UBE3B: variants seen among roughly 807,000 people sequenced by gnomAD.
UBE3B encodes ubiquitin-protein ligase E3B.
UBE3B carries 80 observed loss-of-function variants against 132.3 expected under a neutral mutation model. The ratio of observed to expected loss-of-function variants is 0.60; its 90% confidence interval spans 0.50 to 0.73. The LOEUF is 0.73. Among genes scored for constraint, UBE3B ranks in the 30% least tolerant of loss-of-function variants. The pLI, the probability that UBE3B is intolerant of heterozygous loss-of-function variation, is 0.00. For missense variants in UBE3B, 1,196 were observed against 1,362.5 expected, an observed-to-expected ratio of 0.88 and a Z score of 1.92; for synonymous variants, 487 against 520.4, an observed-to-expected ratio of 0.94 and a Z score of 0.87.
At chr12:109,528,278 C>A (rs1246604489) in intron 24 of UBE3B, 7 of 938,508 alleles carry the variant, frequency 7.5e-6, no homozygotes, top group Non-Finnish European at 8.9e-6. Flanking sequence ...ATCTCCCTCT[C>A]TCCTTCCCTC....
chr12:109,524,093 A>AT lies in UBE3B; in HGVS notation c.2481dup (p.Lys828Ter). 6.2e-7 allele frequency: 1 copy of AT among 1,614,170 alleles called. No homozygotes were observed. The highest frequency in any genetic ancestry group is 8.5e-7 in the Non-Finnish European group (1 of 1,180,028). ...CTGCCTTCTCTGGACTCCGAGTTCT[A>AT]TAAAAACCTCACCTCCATCAAGGTG... On this transcript the variant is annotated frameshift_variant, in exon 22 of 28. Transcript: ENST00000342494. LOFTEE classifies it high-confidence loss of function.
In UBE3B at chr12:109,534,505, C is replaced by T. The variant is rs1277209258; in HGVS notation, c.3016-86C>T. ...CCAGCATCCAGGGACTGGCCAGATC[C>T]CCTCCCTGGGCTCCCTGGCCTTGGC... is the stretch of plus-strand genomic sequence containing the variant. On this transcript the variant is annotated intron_variant, in intron 27 of 27. Coordinates refer to ENST00000342494, the MANE Select transcript of UBE3B (RefSeq NM_130466.4). This position sits in a 1 kb window ranked among gnomAD's most constrained non-coding sequence, Gnocchi z 5.2. 6.6e-7 allele frequency: 1 copy of T among 1,520,188 alleles called. No homozygotes were observed. Among genetic ancestry groups the T allele is most frequent in the Non-Finnish European group, 8.8e-7 (1 of 1,135,516 alleles). The allele number at this position is 1,520,188 out of a possible 1,614,324, so 94.2% of individuals were successfully genotyped here. A position where few individuals can be genotyped will look rare whatever the true frequency, so the allele number is the denominator to read the frequency against.
At chr12:109,487,549 G>A (rs949920386) in intron 6 of UBE3B, among the ~76,000 whole-genome samples, 2 of 152,146 alleles carry the variant, frequency 1.3e-5, no homozygotes, top group East Asian at 1.9e-4. Flanking sequence ...TATGTTCCTC[G>A]GAGCCCTGGG....
At chr12:109,489,121 A>G (rs1458035462) in intron 7 of UBE3B, among the ~76,000 whole-genome samples, 3 of 152,254 alleles carry the variant, frequency 2.0e-5, no homozygotes, top group African/African-American at 7.2e-5. Context: ...AGTAGCCCAT[A>G]CATGCCAGAT....
At chr12:109,513,850 T>C (rs1880657742) in intron 18 of UBE3B, among the ~76,000 whole-genome samples, 1 of 152,126 alleles carries the variant, frequency 6.6e-6, no homozygotes, top group African/African-American at 2.4e-5. Context: ...GCTTGGTGTT[T>C]TCAGAGCAGA....
intron 9 of UBE3B, 151 bp downstream of exon 9, chr12:109,491,278 T>C (rs1411431468): frequency 1.7e-6 from 1 of 573,932 alleles, no homozygotes; most frequent in Non-Finnish European, 2.9e-6. Context: ...GTGAGCACAT[T>C]TGTGACTGCT....
At chr12:109,516,014 T>C (rs1179674844) in intron 18 of UBE3B, among the ~76,000 whole-genome samples, 1 of 152,168 alleles carries the variant, frequency 6.6e-6, no homozygotes, top group Non-Finnish European at 1.5e-5. Flanking sequence ...GGAAAAGTTA[T>C]CTTTGAATTA....
In UBE3B at chr12:109,530,067, T is replaced by C. The variant is rs189579220; in HGVS notation, c.2805T>C (p.Asp935=). Residue 935 remains aspartate (D), a synonymous_variant, in exon 25 of 28, where the codon GAT becomes GAC. Transcript: ENST00000342494. ...SGDNAEIDLE[D]LKKHTVYYGG... is the part of the protein sequence containing the mutation. ...ACAATGCTGAGATTGATCTGGAAGA[T>C]TTAAAGTAAGAGGCGGGTGGGGGGA... 2.5e-6 allele frequency: 4 copies of C among 1,613,828 alleles called. No individual in the cohort carries two copies. Among genetic ancestry groups the C allele is most frequent in the African/African-American group, 1.3e-5 (1 of 75,040 alleles).
rs182400134 is a variant in UBE3B at position 109,477,933 on chromosome 12, A to G, written c.-304A>G. The G allele has an allele frequency of 1.5e-3, 234 of 153,150 alleles. 1 individual carries two copies. The highest frequency in any genetic ancestry group is 2.7e-3 in the Non-Finnish European group (182 of 68,532). 9.5% of individuals were successfully genotyped at this position (153,150 alleles called of 1,614,324 possible). ...TGCTGGGATCTGGCGTGTGTGCTCC[A>G]GGGGCTCTTTCCGCGGCCCTTTCCA... On this transcript the variant is annotated 5_prime_UTR_variant, in exon 1 of 28. Coordinates refer to ENST00000342494, the MANE Select transcript of UBE3B (RefSeq NM_130466.4).
chr12:109,510,648 A>G (rs1422396505), intron 17 of UBE3B, among the ~76,000 whole-genome samples, 190 bp downstream of exon 17: 1 of 152,244 alleles, frequency 6.6e-6, no homozygotes, highest in Non-Finnish European at 1.5e-5. Flanking sequence ...AGAGATGTTT[A>G]CACCAAATAT....
chr12:109,483,742 T>A, intron 3 of UBE3B, 30 bp downstream of exon 3: 1 of 1,575,220 alleles, frequency 6.3e-7, no homozygotes, highest in Non-Finnish European at 8.6e-7. Context: ...TAGCACATGA[T>A]TCTCTGGCTC....
chr12:109,506,812 A>G (rs1302645246), intron 14 of UBE3B, among the ~76,000 whole-genome samples: 7 of 152,258 alleles, frequency 4.6e-5, no homozygotes, highest in African/African-American at 7.2e-5. Flanking sequence ...TAAACTGACT[A>G]GAAGTCTAAC....
Position 109,499,718 on chromosome 12 carries a change from G to T in UBE3B, c.1026G>T (p.Leu342=). ...DGFVSLLTQT[L]CYCRKYVSQK... is the part of the protein sequence containing the mutation. ...TCGTGAGTTTGCTCACCCAGACGCT[G>T]TGCTACTGTCGGAAGTATGTGTCTC... The change falls in exon 12 of 28, where the codon CTG becomes CTT. Residue 342 remains leucine, a synonymous_variant. Coordinates refer to ENST00000342494, the MANE Select transcript of UBE3B (RefSeq NM_130466.4). 1 of 1,613,626 alleles carries T rather than the reference G, an allele frequency of 6.2e-7. No homozygotes were observed.
chr12:109,530,495 C>A, intron 25 of UBE3B, 52 bp from the exon 26 acceptor site: 1 of 1,530,084 alleles, frequency 6.5e-7, no homozygotes, highest in Non-Finnish European at 9.0e-7. Context: ...CCTGCCTGTC[C>A]ATAAGTGCCC....
chr12:109,511,064 G>A, intron 17 of UBE3B, 140 bp from the exon 18 acceptor site: 1 of 694,398 alleles, frequency 1.4e-6, no homozygotes, highest in Non-Finnish European at 2.5e-6. Flanking sequence ...ATGTATGAAT[G>A]AGTATGGTCA....
At chr12:109,508,781 G>A in intron 15 of UBE3B, 1 of 977,054 alleles carries the variant, frequency 1.0e-6, no homozygotes, top group Non-Finnish European at 1.2e-6. Context: ...TTCAGATAGA[G>A]CTGTGTCTTA....
At chr12:109,531,395 A>G (rs1882925681) in intron 26 of UBE3B, among the ~76,000 whole-genome samples, 1 of 152,212 alleles carries the variant, frequency 6.6e-6, no homozygotes, top group Non-Finnish European at 1.5e-5. Context: ...ATATATGTGT[A>G]TATTTCTCTA....
intron 18 of UBE3B, among the ~76,000 whole-genome samples, chr12:109,514,041 T>G (rs1364316516): frequency 6.6e-6 from 1 of 152,254 alleles, no homozygotes; most frequent in African/African-American, 2.4e-5. Context: ...GTTCTCGATT[T>G]CACTATAATG....
rs757731326 is a variant in UBE3B, at chr12:109,499,859, CT to C, written c.1118+51del. ...GTCTTTCCTGCCTCTCTCCCACCAT[CT>C]TCTTCTTCCTTCTTTCTTTCTTCCA... is the stretch of plus-strand genomic sequence containing the variant. On this transcript the variant is annotated intron_variant, in intron 12 of 27. Transcript: ENST00000342494. 4.2e-6 allele frequency: 6 copies of C among 1,432,120 alleles called. No homozygotes were observed. The Admixed American group carries it at 1.5e-4, about 35-fold the overall frequency. The allele number at this position is 1,432,120 out of a possible 1,614,324, so 88.7% of individuals were successfully genotyped here.
Sources: gnomAD v4.1 joint callset for allele counts (sites outside exome capture counted in the v4.1 genomes callset) on GRCh38, gnomAD v4.1.1 for gene constraint, Gnocchi (gnomAD v3.1) non-coding constraint, MANE v1.5 for transcripts, NCBI Gene and HGNC (gene_info 2026-07-23, HGNC 2026-07-21) for gene names.